The following NBEA variants were observed in gnomAD, a reference collection of about 807,000 sequenced individuals.
NBEA encodes lysosomal-trafficking regulator 2.
A neutral mutation model predicts 343.4 loss-of-function variants in NBEA; 44 were observed. That is an observed-to-expected ratio of 0.13 (90% CI 0.10 to 0.16). The LOEUF (loss-of-function observed/expected upper bound fraction) is 0.16. Ranked by LOEUF, NBEA falls within the 10% of genes least tolerant of loss-of-function variation. The pLI is 1.00. For synonymous variants in NBEA, 1,175 were observed against 1,238.7 expected (o/e 0.95, Z 1.08); for missense variants, 2,555 against 3,631.3 (o/e 0.70, Z 7.62).
intron 34 of NBEA, among the ~76,000 whole-genome samples, chr13:35,265,520 C>T (rs1013264780): frequency 6.6e-5 from 10 of 151,744 alleles, no homozygotes; most frequent in African/African-American, 2.4e-4. Context: ...AATAGACATA[C>T]ATACCAATAG....
intron 58 of NBEA, 78 bp downstream of exon 58, chr13:35,668,597 T>C: frequency 1.5e-6 from 2 of 1,326,102 alleles, no homozygotes; most frequent in Non-Finnish European, 2.0e-6. Flanking sequence ...GGGTGAATTG[T>C]GCTGTGAGTG....
At chr13:35,503,196 T>C (rs968134653) in intron 41 of NBEA, among the ~76,000 whole-genome samples, 2 of 151,780 alleles carry the variant, frequency 1.3e-5, no homozygotes, top group Admixed American at 1.3e-4. Flanking sequence ...TTTTTTCTAA[T>C]ATAAAAGTAA....
At chr13:35,280,493 C>A (rs1296017874) in intron 34 of NBEA, among the ~76,000 whole-genome samples, 2 of 151,810 alleles carry the variant, frequency 1.3e-5, no homozygotes, top group Non-Finnish European at 2.9e-5. Flanking sequence ...TTAATTCCAC[C>A]ATTTTCTAAT....
chr13:35,654,616 T>C (rs1036361118), intron 53 of NBEA, among the ~76,000 whole-genome samples: 2 of 152,236 alleles, frequency 1.3e-5, no homozygotes, highest in African/African-American at 2.4e-5. Flanking sequence ...CTCATATTGT[T>C]TTTATTGGTG....
At chr13:35,143,805 T>G (rs969639592) in intron 18 of NBEA, among the ~76,000 whole-genome samples, 4 of 150,700 alleles carry the variant, frequency 2.7e-5, no homozygotes, top group African/African-American at 4.9e-5. Context: ...GGAGGTCTGC[T>G]AGATCCCAGG....
At chr13:35,249,340 A>G (rs1475048814) in intron 34 of NBEA, among the ~76,000 whole-genome samples, 1 of 152,180 alleles carries the variant, frequency 6.6e-6, no homozygotes, top group East Asian at 1.9e-4. Context: ...CAACCTATGG[A>G]AAGGGAGAAA....
At chr13:35,539,704 C>T (rs1292073732) in intron 41 of NBEA, among the ~76,000 whole-genome samples, 6 of 151,184 alleles carry the variant, frequency 4.0e-5, no homozygotes, top group African/African-American at 7.3e-5. Context: ...ATCACGAGGT[C>T]AGGAGATCGA....
chr13:35,484,620 G>A (rs995041576), intron 41 of NBEA, among the ~76,000 whole-genome samples: 15 of 151,904 alleles, frequency 9.9e-5, no homozygotes, highest in African/African-American at 3.6e-4. Context: ...TTCATTTGCT[G>A]TTTTAACTGG....
At chr13:35,558,444 G>T (rs548141139) in intron 44 of NBEA, among the ~76,000 whole-genome samples, 1 of 152,292 alleles carries the variant, frequency 6.6e-6, no homozygotes, top group South Asian at 2.1e-4. Flanking sequence ...TCACTAGAAA[G>T]TAGGCAGAGG....
intron 34 of NBEA, among the ~76,000 whole-genome samples, chr13:35,241,397 TC>T (rs558751088): frequency 4.0e-5 from 6 of 151,862 alleles, no homozygotes; most frequent in Non-Finnish European, 7.4e-5. Context: ...AAAGTGGATC[TC>T]TTCCTCCCTG....
chr13:35,479,753 T>C (rs1420828359), intron 41 of NBEA, among the ~76,000 whole-genome samples: 1 of 152,204 alleles, frequency 6.6e-6, no homozygotes, highest in Non-Finnish European at 1.5e-5. Context: ...AGTCTTGCAA[T>C]ATTTTTTGTT....
rs187621343 is a variant in NBEA at position 35,321,796 on chromosome 13, A to G, written c.5903+12204A>G. ...CCTTTCTTTCAGAGATACTCTGCCC[A>G]GAGATGAAGAATCTAGAGAGGCAGT... is the stretch of plus-strand genomic sequence containing the variant. On this transcript the variant is annotated intron_variant, in intron 36 of 58. Coordinates refer to ENST00000379939, the MANE Select transcript of NBEA (RefSeq NM_001385012.1). Among the ~76,000 whole-genome samples, 459 of 152,300 alleles carry G rather than the reference A, an allele frequency of 3.0e-3. 3 individuals carry two copies. Among genetic ancestry groups the G allele is most frequent in the South Asian group, 0.019 (91 of 4,826 alleles).
intron 41 of NBEA, among the ~76,000 whole-genome samples, chr13:35,521,253 C>T (rs1276138265): frequency 6.6e-6 from 1 of 151,758 alleles, no homozygotes; most frequent in Non-Finnish European, 1.5e-5. Context: ...GGTTATTGTT[C>T]CCCTGATGTA....
intron 41 of NBEA, among the ~76,000 whole-genome samples, chr13:35,525,521 C>T (rs1038434301): frequency 6.6e-6 from 1 of 151,926 alleles, no homozygotes; most frequent in Admixed American, 6.6e-5. Context: ...CCACTGCACT[C>T]CAGCCTGCAT....
At chr13:35,589,578 T>C (rs1052603833) in intron 46 of NBEA, among the ~76,000 whole-genome samples, 13 of 152,202 alleles carry the variant, frequency 8.5e-5, no homozygotes, top group Non-Finnish European at 1.6e-4. Context: ...AGAACAGAAC[T>C]ACAAGAAGCG....
Position 35,176,977 on chromosome 13 carries a change from A to G in NBEA, c.4555-19A>G. 1.4e-6 allele frequency: 2 copies of G among 1,463,190 alleles called. No individual in the cohort carries two copies. Among genetic ancestry groups the G allele is most frequent in the East Asian group, 2.4e-5 (1 of 41,002 alleles). The allele number at this position is 1,463,190 out of a possible 1,614,324, so 90.6% of individuals were successfully genotyped here. On this transcript the variant is annotated intron_variant, in intron 27 of 58. Transcript: ENST00000379939. ...ATCTGTAATATATTATCTATTCACA[A>G]TTCTTTTTATTTTCAAAGACTCCAT...
intron 34 of NBEA, among the ~76,000 whole-genome samples, chr13:35,288,087 A>G (rs2035555058): frequency 6.6e-6 from 1 of 152,002 alleles, no homozygotes; most frequent in Non-Finnish European, 1.5e-5. Flanking sequence ...CAAATGAGCT[A>G]ATTTGATTAT....
chr13:35,080,968 C>T (rs1474984641), intron 10 of NBEA, among the ~76,000 whole-genome samples: 1 of 152,042 alleles, frequency 6.6e-6, no homozygotes, highest in African/African-American at 2.4e-5. Flanking sequence ...AATGTCAGAC[C>T]AAAGATGCTG....
intron 49 of NBEA, among the ~76,000 whole-genome samples, chr13:35,640,921 G>A (rs7990684): frequency 0.031 from 4,663 of 151,502 alleles, 264 homozygotes; most frequent in African/African-American, 0.11. Context: ...CCTATTTCTC[G>A]GTGAGTCTTA....
Sources: allele counts gnomAD v4.1 joint callset (sites outside exome capture counted in the v4.1 genomes callset), GRCh38; gene constraint gnomAD v4.1.1; transcripts MANE v1.5; gene names NCBI Gene and HGNC (gene_info 2026-07-23, HGNC 2026-07-21).